Variants in CERS3 observed in about 807,000 individuals in gnomAD.
CERS3 encodes the protein ceramide synthase 3.
A neutral mutation model predicts 50.3 loss-of-function variants in CERS3; 33 were observed. That is an observed-to-expected ratio of 0.66 (90% CI 0.50 to 0.88). The LOEUF (loss-of-function observed/expected upper bound fraction) is 0.88, where lower values mean the gene tolerates loss of function less well. CERS3 is among the 40% of genes least tolerant of loss of function. The pLI is 0.00. For synonymous variants in CERS3, 176 were observed against 155.2 expected (o/e 1.13, Z -0.99); for missense variants, 470 against 460.3 (o/e 1.02, Z -0.19).
chr15:100,495,844 T>G (rs1268775719), intron 3 of CERS3, among the ~76,000 whole-genome samples: 1 of 152,230 alleles, frequency 6.6e-6, no homozygotes, highest in Non-Finnish European at 1.5e-5. Context: ...TAAAATGACT[T>G]CTTAGTACAT....
intron 9 of CERS3, among the ~76,000 whole-genome samples, chr15:100,470,593 C>T (rs908764989): frequency 6.6e-6 from 1 of 152,086 alleles, no homozygotes; most frequent in African/African-American, 2.4e-5. Context: ...TGTGCACAGG[C>T]ATGGGAGAGG....
At chr15:100,497,340 GTA>G (rs563318181) in intron 3 of CERS3, among the ~76,000 whole-genome samples, 1 of 133,676 alleles carries the variant, frequency 7.5e-6, no homozygotes, top group Admixed American at 7.6e-5. Context: ...GTGTGTGTAT[GTA>G]TATATATATA....
At chr15:100,516,796 G>A (rs1432510772) in intron 2 of CERS3, among the ~76,000 whole-genome samples, 1 of 152,166 alleles carries the variant, frequency 6.6e-6, no homozygotes, top group Non-Finnish European at 1.5e-5. Context: ...CCAGGGACAG[G>A]TCCTGGAGAG....
chr15:100,477,101 T>C (rs1334604849), intron 7 of CERS3, among the ~76,000 whole-genome samples: 1 of 152,222 alleles, frequency 6.6e-6, no homozygotes, highest in Non-Finnish European at 1.5e-5. Flanking sequence ...AAACACTGCC[T>C]AGCTGAGCCT....
chr15:100,411,780 G>A (rs1414916100), intron 11 of CERS3, among the ~76,000 whole-genome samples: 3 of 151,926 alleles, frequency 2.0e-5, no homozygotes, highest in Non-Finnish European at 2.9e-5. Context: ...TGTTATGTTC[G>A]GTTTTTTTAA....
At chr15:100,413,139 G>T (rs1212504471) in intron 11 of CERS3, among the ~76,000 whole-genome samples, 2 of 152,110 alleles carry the variant, frequency 1.3e-5, no homozygotes, top group Non-Finnish European at 1.5e-5. Flanking sequence ...TTGCATTGGG[G>T]ATTAAAACTG....
At chr15:100,525,550 T>C (rs964196538) in intron 1 of CERS3, among the ~76,000 whole-genome samples, 3 of 152,204 alleles carry the variant, frequency 2.0e-5, no homozygotes, top group African/African-American at 7.2e-5. Flanking sequence ...GTGATCTAAC[T>C]GAAGCCCATT....
At chr15:100,537,287 C>T (rs1448098780) in intron 1 of CERS3, among the ~76,000 whole-genome samples, 1 of 152,244 alleles carries the variant, frequency 6.6e-6, no homozygotes, top group Non-Finnish European at 1.5e-5. Flanking sequence ...CACTGTCTGC[C>T]TTCTCATTAA....
At chr15:100,404,466 A>T (rs932434253) in intron 11 of CERS3, among the ~76,000 whole-genome samples, 1 of 152,232 alleles carries the variant, frequency 6.6e-6, no homozygotes, top group African/African-American at 2.4e-5. Context: ...CTTTGAAAGA[A>T]ATCAAAGAAG....
chr15:100,472,729 G>C (rs910828611), intron 9 of CERS3, among the ~76,000 whole-genome samples, 195 bp downstream of exon 9: 2 of 152,162 alleles, frequency 1.3e-5, no homozygotes, highest in Admixed American at 6.5e-5. Context: ...TAGTACCATG[G>C]AGAAGGATTC....
intron 2 of CERS3, among the ~76,000 whole-genome samples, chr15:100,502,251 G>GAAAAAAAAAAAA (rs58654483): frequency 8.8e-5 from 10 of 113,688 alleles, no homozygotes; most frequent in African/African-American, 2.0e-4. Flanking sequence ...CTCAAAAAAA[G>GAAAAAAAAAAAA]AAAAAAAAAA....
intron 2 of CERS3, among the ~76,000 whole-genome samples, chr15:100,516,496 T>C (rs541499325): frequency 6.6e-6 from 1 of 152,224 alleles, no homozygotes; most frequent in African/African-American, 2.4e-5. Context: ...ACAGACATAC[T>C]TGAACACTGT....
At position 100,484,630 on chromosome 15, in the gene CERS3, C is replaced by T. The variant is rs115592596; in HGVS notation, c.327G>A (p.Thr109=). Residue 109 remains threonine (T), a synonymous_variant, in exon 5 of 12, where the codon ACG becomes ACA. Transcript: ENST00000679737. ...TAAACCATCTTTCCACCTGGCGCTC[C>T]GTCAAGTTACACTTCTTTGCCAGTC... is the stretch of plus-strand genomic sequence containing the variant. ...IYGLAKKCNL[T]ERQVERWFRS... is the part of the protein sequence containing the mutation. The T allele has an allele frequency of 5.1e-4, 823 of 1,614,040 alleles. 4 individuals carry two copies. In the African/African-American group the frequency reaches 9.6e-3, roughly 19 times the overall value.
chr15:100,417,127 G>A (rs1298387154), intron 11 of CERS3, among the ~76,000 whole-genome samples: 2 of 152,174 alleles, frequency 1.3e-5, no homozygotes, highest in Admixed American at 6.5e-5. Flanking sequence ...CCCAGCGTGA[G>A]CGACGCAGAA....
intron 2 of CERS3, among the ~76,000 whole-genome samples, chr15:100,514,964 A>C (rs2036450240): frequency 6.6e-6 from 1 of 152,220 alleles, no homozygotes; most frequent in Non-Finnish European, 1.5e-5. Flanking sequence ...AAATCATGCA[A>C]CATCTAGCCC....
chr15:100,457,887 T>C (rs1235743548), intron 10 of CERS3, among the ~76,000 whole-genome samples: 1 of 152,246 alleles, frequency 6.6e-6, no homozygotes, highest in Non-Finnish European at 1.5e-5. Context: ...TTATGTTCAA[T>C]TACATTTAGC....
chr15:100,446,112 G>C (rs1414894088), intron 11 of CERS3, among the ~76,000 whole-genome samples: 1 of 151,362 alleles, frequency 6.6e-6, no homozygotes, highest in South Asian at 2.1e-4. Flanking sequence ...CTCTCTTTTC[G>C]GACTCAGCCC....
At chr15:100,479,388 G>A in intron 7 of CERS3, 40 bp downstream of exon 7, 1 of 1,449,028 alleles carries the variant, frequency 6.9e-7, no homozygotes, top group Non-Finnish European at 9.6e-7. Context: ...AGGGATCTTG[G>A]TGTTCAAGTA....
intron 2 of CERS3, among the ~76,000 whole-genome samples, chr15:100,520,130 A>G (rs149656605): frequency 6.6e-6 from 1 of 152,300 alleles, no homozygotes; most frequent in Admixed American, 6.5e-5. Context: ...CTGTCCTCTT[A>G]AAAGTGACAG....
Sources: gnomAD v4.1 joint callset for allele counts (sites outside exome capture counted in the v4.1 genomes callset) on GRCh38, gnomAD v4.1.1 for gene constraint, MANE v1.5 for transcripts, NCBI Gene and HGNC (gene_info 2026-07-23, HGNC 2026-07-21) for gene names.